Variants in GRIP1 observed in about 807,000 individuals in gnomAD.
GRIP1 encodes the protein glutamate receptor-interacting protein 1.
GRIP1 carries 45 observed loss-of-function variants against 129.9 expected under a neutral mutation model. The observed-to-expected ratio is 0.35, with a 90% CI of 0.27 to 0.44. The LOEUF is 0.44. Among genes scored for constraint, GRIP1 ranks in the 20% least tolerant of loss-of-function variants. GRIP1 has a pLI of 1.00. For missense variants in GRIP1, 1,196 were observed against 1,396.8 expected, an observed-to-expected ratio of 0.86 and a Z score of 2.29; for synonymous variants, 530 against 520.8, an observed-to-expected ratio of 1.02 and a Z score of -0.24.
chr12:66,762,948 G>T (rs570324144), intron 1 of GRIP1, among the ~76,000 whole-genome samples: 7 of 152,170 alleles, frequency 4.6e-5, no homozygotes, highest in African/African-American at 1.7e-4. Flanking sequence ...TGTTTGCAGG[G>T]GCTATTGAGC....
At chr12:66,595,818 G>A (rs2064027960) in intron 2 of GRIP1, among the ~76,000 whole-genome samples, 1 of 152,050 alleles carries the variant, frequency 6.6e-6, no homozygotes, top group African/African-American at 2.4e-5. Flanking sequence ...TGAGCCTTTG[G>A]AATAAGAGTG....
chr12:66,587,911 T>C (rs1390384224), intron 2 of GRIP1, among the ~76,000 whole-genome samples: 4 of 152,180 alleles, frequency 2.6e-5, no homozygotes, highest in African/African-American at 7.2e-5. Flanking sequence ...GAAATCTTTA[T>C]AACATCTGTT....
chr12:66,805,978 CTTT>C (rs79756327), upstream of GRIP1, among the ~76,000 whole-genome samples: 7 of 126,410 alleles, frequency 5.5e-5, no homozygotes, highest in Non-Finnish European at 8.6e-5. Context: ...TTTTTTTTTT[CTTT>C]TTTTTTTTTT....
intron 7 of GRIP1, among the ~76,000 whole-genome samples, chr12:66,499,918 G>C (rs1681832108): frequency 6.6e-6 from 1 of 152,162 alleles, no homozygotes; most frequent in Admixed American, 6.6e-5. Flanking sequence ...GCTGAGGTGG[G>C]AGGATAGCTT....
intron 2 of GRIP1, among the ~76,000 whole-genome samples, chr12:66,571,673 C>T (rs1171428875): frequency 6.6e-6 from 1 of 152,130 alleles, no homozygotes; most frequent in Admixed American, 6.5e-5. Flanking sequence ...TAATTGCTTC[C>T]CTTTCCTAGG....
intron 1 of GRIP1, among the ~76,000 whole-genome samples, chr12:67,052,563 T>A (rs2043362630): frequency 6.6e-6 from 1 of 151,960 alleles, no homozygotes; most frequent in South Asian, 2.1e-4. Flanking sequence ...ATGGAGACCA[T>A]CCTGGCTAAT....
intron 1 of GRIP1, among the ~76,000 whole-genome samples, chr12:67,015,503 C>G (rs1242609947): frequency 6.6e-6 from 1 of 152,092 alleles, no homozygotes; most frequent in Non-Finnish European, 1.5e-5. Context: ...GCCTGGTGAA[C>G]TCTTATAATT....
intron 1 of GRIP1, among the ~76,000 whole-genome samples, chr12:66,968,481 A>C (rs1416006723): frequency 1.3e-5 from 2 of 151,822 alleles, no homozygotes; most frequent in African/African-American, 4.8e-5. Flanking sequence ...TGAGCGTTTT[A>C]TATAACATGT....
At chr12:66,909,094 C>A (rs1353491068) in intron 1 of GRIP1, among the ~76,000 whole-genome samples, 1 of 152,140 alleles carries the variant, frequency 6.6e-6, no homozygotes, top group Non-Finnish European at 1.5e-5. Context: ...TAAATTTTTT[C>A]TTGCTAATTC....
At chr12:66,671,164 C>T (rs946687685) in intron 1 of GRIP1, among the ~76,000 whole-genome samples, 2 of 152,030 alleles carry the variant, frequency 1.3e-5, no homozygotes, top group Non-Finnish European at 2.9e-5. Context: ...ATTTAGAAAC[C>T]CCTGAATTGG....
intron 1 of GRIP1, among the ~76,000 whole-genome samples, chr12:66,942,429 C>T (rs1359902267): frequency 1.3e-5 from 2 of 152,120 alleles, no homozygotes; most frequent in South Asian, 2.1e-4. Context: ...TTTCTTTGAT[C>T]CACTTCCTCT....
intron 1 of GRIP1, among the ~76,000 whole-genome samples, chr12:66,613,117 A>G (rs1181914052): frequency 6.6e-6 from 1 of 152,172 alleles, no homozygotes; most frequent in East Asian, 1.9e-4. Flanking sequence ...AAAATATAAT[A>G]TGGTAAATCC....
chr12:66,510,470 C>A (rs576695105), intron 7 of GRIP1, among the ~76,000 whole-genome samples: 1 of 152,084 alleles, frequency 6.6e-6, no homozygotes, highest in Non-Finnish European at 1.5e-5. Context: ...TGAACTCCCC[C>A]CAAAATACTC....
intron 14 of GRIP1, among the ~76,000 whole-genome samples, chr12:66,424,711 T>G (rs757281564): frequency 1.1e-4 from 16 of 152,336 alleles, no homozygotes; most frequent in Non-Finnish European, 1.9e-4. Flanking sequence ...GCAGAATATG[T>G]ATTTCCTTTA....
intron 1 of GRIP1, among the ~76,000 whole-genome samples, chr12:66,820,883 G>A (rs2136983776): frequency 6.6e-6 from 1 of 151,968 alleles, no homozygotes; most frequent in Non-Finnish European, 1.5e-5. Flanking sequence ...GAAGCACAAA[G>A]GATTTTTAGG....
At chr12:66,375,715 T>C (rs201709118) in intron 22 of GRIP1, among the ~76,000 whole-genome samples, 1 of 152,242 alleles carries the variant, frequency 6.6e-6, no homozygotes, top group Non-Finnish European at 1.5e-5. Context: ...TAACATCTAC[T>C]CTTACTGATG....
At chr12:66,680,350 T>C (rs1304234715), upstream of GRIP1, among the ~76,000 whole-genome samples, 2 of 152,182 alleles carry the variant, frequency 1.3e-5, no homozygotes, top group Non-Finnish European at 2.9e-5. Context: ...GAAATGCATA[T>C]GCTTTGTATT....
At chr12:66,579,771 C>T (rs1017225655) in intron 2 of GRIP1, among the ~76,000 whole-genome samples, 1 of 151,848 alleles carries the variant, frequency 6.6e-6, no homozygotes, top group Admixed American at 6.6e-5. Flanking sequence ...AAGACCAAAT[C>T]TACATCTGAT....
chr12:66,525,793 G>C (rs1592486614), intron 5 of GRIP1, among the ~76,000 whole-genome samples: 4 of 152,232 alleles, frequency 2.6e-5, no homozygotes, highest in African/African-American at 9.6e-5. Flanking sequence ...CATCGTCTCA[G>C]CCCAAAATCT....
Sources: gnomAD v4.1 joint callset for allele counts (sites outside exome capture counted in the v4.1 genomes callset) on GRCh38, gnomAD v4.1.1 for gene constraint, MANE v1.5 for transcripts, NCBI Gene and HGNC (gene_info 2026-07-23, HGNC 2026-07-21) for gene names.